Variants in CEP83 observed in about 807,000 individuals in gnomAD.
CEP83 encodes centrosomal protein 83, also known as centrosomal protein of 83 kDa.
A neutral mutation model predicts 101.9 loss-of-function variants in CEP83; 70 were observed. The ratio of observed to expected loss-of-function variants is 0.69; its 90% CI spans 0.57 to 0.84. The LOEUF (loss-of-function observed/expected upper bound fraction) is 0.84. Among genes scored for constraint, CEP83 ranks in the 40% least tolerant of loss-of-function variants. The probability of loss-of-function intolerance (pLI) is 0.00; values close to 1 mark genes in which losing one functional copy is unlikely to be tolerated. For missense variants in CEP83, 715 were observed against 787.2 expected, an observed-to-expected ratio of 0.91 and a Z score of 1.10; for synonymous variants, 264 against 267.9, an observed-to-expected ratio of 0.99 and a Z score of 0.14.
At chr12:94,354,098 A>G (rs933699152) in intron 11 of CEP83, among the ~76,000 whole-genome samples, 2 of 152,234 alleles carry the variant, frequency 1.3e-5, no homozygotes, top group Non-Finnish European at 2.9e-5. Context: ...AGAAAGAAAC[A>G]TAGATTTAAA....
At chr12:94,373,852 T>TG (rs1432702257) in intron 8 of CEP83, among the ~76,000 whole-genome samples, 3 of 152,232 alleles carry the variant, frequency 2.0e-5, no homozygotes, top group Admixed American at 1.3e-4. Context: ...AAAATGTTGA[T>TG]GAAAACTTCA....
At chr12:94,284,097 A>AG in the CEP83 span, among the ~76,000 whole-genome samples, 6 of 151,814 alleles carry the variant, frequency 4.0e-5, 2 homozygotes, top group African/African-American at 1.4e-4. Context: ...GAAAAAAAAA[A>AG]AAAAAAAAAA....
chr12:94,286,616 CAAAAAAAAA>C, the CEP83 span, among the ~76,000 whole-genome samples: 15,015 of 101,622 alleles, frequency 0.15, 850 homozygotes, highest in Middle Eastern at 0.19. Flanking sequence ...TGCTTAAAAG[CAAAAAAAAA>C]AAAAAAAAAA....
intron 15 of CEP83, chr12:94,312,517 C>T (rs1970022400): frequency 2.1e-6 from 2 of 949,628 alleles, no homozygotes; most frequent in South Asian, 4.9e-5. Context: ...AATGTGACTG[C>T]AAAACCCGAA....
At chr12:94,378,588 C>T (rs185846003) in intron 7 of CEP83, among the ~76,000 whole-genome samples, 9 of 152,264 alleles carry the variant, frequency 5.9e-5, no homozygotes, top group African/African-American at 2.2e-4. Context: ...AGAATAAATA[C>T]CCCTTTGTAA....
At chr12:94,305,464 C>A, downstream of CEP83, 2 of 571,510 alleles carry the variant, frequency 3.5e-6, no homozygotes, top group East Asian at 5.7e-5. Flanking sequence ...AACCCTTGTG[C>A]CTGTGTGTAT....
At chr12:94,443,926 A>AT (rs1191754918) in intron 1 of CEP83, among the ~76,000 whole-genome samples, 3 of 152,214 alleles carry the variant, frequency 2.0e-5, no homozygotes. Flanking sequence ...GTTCATCTTC[A>AT]TAGTTCCCAA....
the CEP83 span, among the ~76,000 whole-genome samples, chr12:94,274,791 C>A: frequency 6.6e-6 from 1 of 152,224 alleles, no homozygotes; most frequent in Non-Finnish European, 1.5e-5. Context: ...TTCTTGCTGG[C>A]TGACCTTGTG....
chr12:94,308,915 C>G lies in CEP83; in HGVS notation c.2004G>C (p.Glu668Asp), dbSNP rs764085040. 6.2e-7 allele frequency: 1 copy of G among 1,603,768 alleles called. No homozygotes were observed. Among genetic ancestry groups the G allele is most frequent in the East Asian group, 2.2e-5 (1 of 44,774 alleles). ...GAGAGAGTTCCCTTTGATGTTGTTCCTCCTTAAAATGATGTAGAGAAAGCA... is the reference window on the plus strand; with the variant it reads ...GAGAGAGTTCCCTTTGATGTTGTTCGTCCTTAAAATGATGTAGAGAAAGCA... ...MELPFPPHMQEEQHQRELSLL... is the reference protein window; with the variant it reads ...MELPFPPHMQDEQHQRELSLL... Residue 668 changes from glutamate to aspartate, a missense_variant and splice_region_variant, in exon 17 of 17, where the codon GAG (glutamate) becomes GAC (aspartate). Glu to Asp is a conservative substitution (Grantham distance 45). Transcript: ENST00000397809.
chr12:94,456,823 A>G (rs1291171488), intron 1 of CEP83, among the ~76,000 whole-genome samples: 1 of 152,230 alleles, frequency 6.6e-6, no homozygotes, highest in African/African-American at 2.4e-5. Context: ...CATCTTTAAG[A>G]AACATTTATT....
chr12:94,297,441 G>A, the CEP83 span: 11 of 1,570,680 alleles, frequency 7.0e-6, no homozygotes, highest in Admixed American at 1.7e-4. Context: ...TACTGTTCTG[G>A]GAGCACTTTA....
rs909384761 is a variant in CEP83, at chr12:94,307,772, A to G, written c.*1041T>C. 6.6e-6 allele frequency: 1 copy of G among 151,738 alleles called. No homozygotes were observed. Among genetic ancestry groups the G allele is most frequent in the Admixed American group, 6.6e-5 (1 of 15,214 alleles). The allele number at this position is 151,738 out of a possible 1,614,324, so 9.4% of individuals were successfully genotyped here. A position where few individuals can be genotyped will look rare whatever the true frequency, so the allele number is the denominator to read the frequency against. On this transcript the variant is annotated 3_prime_UTR_variant, in exon 17 of 17. Transcript: ENST00000397809. ...TTTTTCAGAGATAAGGTGTCACTGT[A>G]TATGCTGTGAATAAGCAGCTATATT...
At chr12:94,368,497 G>C (rs371156897) in intron 9 of CEP83, 1 of 231,722 alleles carries the variant, frequency 4.3e-6, no homozygotes, top group Non-Finnish European at 8.3e-6. Context: ...GATCAAACTG[G>C]ATGATAACCA....
intron 7 of CEP83, among the ~76,000 whole-genome samples, chr12:94,376,946 G>T (rs1206159615): frequency 6.6e-6 from 1 of 151,966 alleles, no homozygotes; most frequent in Non-Finnish European, 1.5e-5. Flanking sequence ...CACCCGTGTT[G>T]TTCAGGCTCA....
chr12:94,423,678 T>C (rs969628248), intron 2 of CEP83: 4 of 1,579,054 alleles, frequency 2.5e-6, no homozygotes, highest in Non-Finnish European at 3.4e-6. Flanking sequence ...CCTCTGGAAT[T>C]TGGGAGCATG....
At chr12:94,281,496 C>T in the CEP83 span, among the ~76,000 whole-genome samples, 1 of 152,192 alleles carries the variant, frequency 6.6e-6, no homozygotes, top group South Asian at 2.1e-4. Flanking sequence ...TCAGTGGTTG[C>T]CATGTGGACT....
chr12:94,401,101 AT>A lies in CEP83; in HGVS notation c.418-121del, dbSNP rs2063227409. On this transcript the variant is annotated intron_variant, in intron 5 of 16. Coordinates refer to ENST00000397809, the MANE Select transcript of CEP83 (RefSeq NM_016122.3). ...ATGATAGCCACTCTAAAAGTAAAAAATAAATTTAACAGAAATACAAATGAAT... is the reference window on the plus strand; with the variant it reads ...ATGATAGCCACTCTAAAAGTAAAAAAAAATTTAACAGAAATACAAATGAAT... 6.2e-6 allele frequency: 3 copies of A among 482,908 alleles called. No individual in the cohort carries two copies. In the South Asian group the frequency reaches 2.3e-4, roughly 37 times the overall value. 29.9% of individuals were successfully genotyped at this position (482,908 alleles called of 1,614,324 possible). A position where few individuals can be genotyped will look rare whatever the true frequency, so the allele number is the denominator to read the frequency against.
At chr12:94,379,854 C>T (rs2061742089) in intron 6 of CEP83, among the ~76,000 whole-genome samples, 1 of 152,048 alleles carries the variant, frequency 6.6e-6, no homozygotes. Flanking sequence ...AACTATCTAT[C>T]CCCTACCACC....
intron 4 of CEP83, among the ~76,000 whole-genome samples, chr12:94,406,981 T>C (rs1212468918): frequency 6.7e-6 from 1 of 148,920 alleles, no homozygotes; most frequent in East Asian, 2.0e-4. Flanking sequence ...CTACAATTTC[T>C]GAGATGAAAA....
Sources: gnomAD v4.1 joint callset for allele counts (sites outside exome capture counted in the v4.1 genomes callset) on GRCh38, gnomAD v4.1.1 for gene constraint, MANE v1.5 for transcripts, NCBI Gene and HGNC (gene_info 2026-07-23, HGNC 2026-07-21) for gene names.